Variants in SPAG16 observed in about 807,000 individuals in gnomAD.
SPAG16 encodes sperm associated antigen 16.
In SPAG16, 86 loss-of-function variants were observed where a neutral mutation model predicts 80.4. The observed-to-expected ratio is 1.07, with a 90% CI of 0.90 to 1.28. The LOEUF is 1.28. Among genes scored for constraint, SPAG16 ranks in the 50% most tolerant of loss-of-function variants. SPAG16 has a pLI of 0.00. For synonymous variants in SPAG16, 294 were observed against 265.9 expected, an observed-to-expected ratio of 1.11 and a Z score of -1.03; for missense variants, 870 against 765.3, an observed-to-expected ratio of 1.14 and a Z score of -1.61.
intron 10 of SPAG16, among the ~76,000 whole-genome samples, chr2:213,704,605 G>A (rs2065654835): frequency 6.6e-6 from 1 of 151,834 alleles, no homozygotes; most frequent in South Asian, 2.1e-4. Context: ...CATTTTCAAA[G>A]TTGAACAAAT....
intron 9 of SPAG16, among the ~76,000 whole-genome samples, chr2:213,383,758 T>A (rs2067292586): frequency 6.6e-6 from 1 of 152,190 alleles, no homozygotes; most frequent in African/African-American, 2.4e-5. Context: ...TTATTATTAG[T>A]AAACATCATG....
chr2:214,077,554 C>A (rs919288609), intron 13 of SPAG16, among the ~76,000 whole-genome samples: 3 of 152,224 alleles, frequency 2.0e-5, no homozygotes, highest in Admixed American at 6.5e-5. Flanking sequence ...AGTCACTTGT[C>A]CTGAGAGTGC....
At chr2:213,371,820 T>C (rs773597893) in intron 8 of SPAG16, among the ~76,000 whole-genome samples, 1 of 152,186 alleles carries the variant, frequency 6.6e-6, no homozygotes, top group South Asian at 2.1e-4. Context: ...ACGTTTATTA[T>C]AGAAAATTCA....
At chr2:213,427,809 C>T (rs1381637227) in intron 9 of SPAG16, among the ~76,000 whole-genome samples, 1 of 152,124 alleles carries the variant, frequency 6.6e-6, no homozygotes, top group Non-Finnish European at 1.5e-5. Context: ...ATCTTATCTG[C>T]TTTATAATGA....
rs114692070 is a variant in SPAG16 at position 213,421,296 on chromosome 2, G to A, written c.942+46177G>A. ...GCTGTTGCAACCCAGCCAGGTGTGC[G>A]TGTGCTTGGGGTGGTGCCGACTCAC... On this transcript the variant is annotated intron_variant, in intron 9 of 15. Transcript: ENST00000331683. 5.8e-3 allele frequency among the ~76,000 whole-genome samples: 890 copies of A among 152,198 alleles called. 1 individual carries two copies. The highest frequency in any genetic ancestry group is 9.0e-3 in the Non-Finnish European group (614 of 67,978).
intron 5 of SPAG16, among the ~76,000 whole-genome samples, chr2:213,318,985 G>GT (rs2063513557): frequency 6.6e-6 from 1 of 151,944 alleles, no homozygotes; most frequent in Admixed American, 6.6e-5. Context: ...ATTAATGGAA[G>GT]ACATGCAATT....
chr2:213,352,173 A>G (rs1450252829), intron 7 of SPAG16, among the ~76,000 whole-genome samples: 1 of 146,076 alleles, frequency 6.8e-6, no homozygotes, highest in African/African-American at 2.6e-5. Context: ...TTTTTTTTTA[A>G]TATATTTTTA....
chr2:213,323,543 C>T (rs2063717776), intron 5 of SPAG16, among the ~76,000 whole-genome samples: 1 of 152,156 alleles, frequency 6.6e-6, no homozygotes. Context: ...GGTGCAGCCA[C>T]CACTGAAAAC....
chr2:214,055,008 G>A (rs2049861973), intron 13 of SPAG16, among the ~76,000 whole-genome samples: 1 of 152,124 alleles, frequency 6.6e-6, no homozygotes, highest in Non-Finnish European at 1.5e-5. Flanking sequence ...AAAGGTAAAA[G>A]TGATATTCAC....
chr2:214,196,903 A>G (rs2057856327), intron 15 of SPAG16, among the ~76,000 whole-genome samples: 1 of 152,062 alleles, frequency 6.6e-6, no homozygotes, highest in South Asian at 2.1e-4. Context: ...TTGAAAAATG[A>G]CTTCAGAGTA....
intron 12 of SPAG16, among the ~76,000 whole-genome samples, chr2:213,963,801 G>A (rs1316086857): frequency 6.6e-6 from 1 of 151,872 alleles, no homozygotes; most frequent in African/African-American, 2.4e-5. Context: ...TTACATTTTT[G>A]GTTTATAGGT....
At chr2:214,391,152 T>G (rs952812235) in intron 15 of SPAG16, among the ~76,000 whole-genome samples, 6 of 152,156 alleles carry the variant, frequency 3.9e-5, no homozygotes, top group African/African-American at 1.4e-4. Context: ...GGTATGAATC[T>G]TGACCCTACT....
At chr2:214,235,281 A>AACTT (rs1269893457) in intron 15 of SPAG16, among the ~76,000 whole-genome samples, 5 of 152,270 alleles carry the variant, frequency 3.3e-5, no homozygotes, top group Non-Finnish European at 7.4e-5. Flanking sequence ...TGAAAGTCCA[A>AACTT]ACTTACTTAA....
rs563521537 is a variant in SPAG16 at position 213,929,660 on chromosome 2, CCAAA to C, written c.1215-293_1215-290del. On this transcript the variant is annotated intron_variant, in intron 11 of 15. Coordinates refer to ENST00000331683, the MANE Select transcript of SPAG16 (RefSeq NM_024532.5). ...AGAGCCTAATATATACAACGCTGAA[CCAAA>C]CAAACACATGATAACAAAAACACTA... 9.2e-5 allele frequency among the ~76,000 whole-genome samples: 14 copies of C among 152,164 alleles called. No individual in the cohort carries two copies. The South Asian group carries it at 2.1e-3, about 23-fold the overall frequency.
intron 12 of SPAG16, among the ~76,000 whole-genome samples, chr2:213,970,105 T>C (rs1575682910): frequency 6.6e-6 from 1 of 152,104 alleles, no homozygotes; most frequent in East Asian, 1.9e-4. Flanking sequence ...TCAGACTTTG[T>C]TTATAAGGGT....
intron 15 of SPAG16, among the ~76,000 whole-genome samples, chr2:214,379,345 G>A (rs1199559282): frequency 6.6e-6 from 1 of 152,214 alleles, no homozygotes; most frequent in African/African-American, 2.4e-5. Flanking sequence ...TTACAGAAGA[G>A]GAAATTTGAG....
chr2:213,919,275 A>G (rs144504289), intron 11 of SPAG16, among the ~76,000 whole-genome samples: 11 of 151,968 alleles, frequency 7.2e-5, no homozygotes, highest in African/African-American at 2.4e-4. Flanking sequence ...TGGTTTTTTC[A>G]TATCTCAATC....
intron 15 of SPAG16, among the ~76,000 whole-genome samples, chr2:214,276,671 T>G (rs559946781): frequency 6.6e-6 from 1 of 152,246 alleles, no homozygotes; most frequent in Non-Finnish European, 1.5e-5. Flanking sequence ...GCTGTTAGTC[T>G]GATAGTTACC....
At chr2:213,407,594 CAG>C (rs1191807901) in intron 9 of SPAG16, among the ~76,000 whole-genome samples, 3 of 104,594 alleles carry the variant, frequency 2.9e-5, no homozygotes, top group Admixed American at 1.1e-4. Flanking sequence ...GAGAGAGAGA[CAG>C]GAGAGAGAGA....
Sources: allele counts gnomAD v4.1 joint callset (sites outside exome capture counted in the v4.1 genomes callset), GRCh38; gene constraint gnomAD v4.1.1; transcripts MANE v1.5; gene names NCBI Gene and HGNC (gene_info 2026-07-23, HGNC 2026-07-21).